ARID3A: variants seen among roughly 807,000 people sequenced by gnomAD.
The protein encoded by ARID3A is AT-rich interactive domain-containing protein 3A.
A neutral mutation model predicts 52.7 loss-of-function variants in ARID3A; 11 were observed. The ratio of observed to expected loss-of-function variants is 0.21; its 90% CI spans 0.13 to 0.35. The LOEUF is 0.35. ARID3A is among the 10% of genes least tolerant of loss of function. ARID3A has a pLI of 1.00. For synonymous variants in ARID3A, 404 were observed against 359.4 expected, an observed-to-expected ratio of 1.12 and a Z score of -1.40; for missense variants, 721 against 838.5, an observed-to-expected ratio of 0.86 and a Z score of 1.73.
Position 966,664 on chromosome 19 carries a change from C to G in ARID3A, c.1291C>G (p.Gln431Glu), listed in dbSNP as rs1484670654. The G allele has an allele frequency of 3.7e-6, 6 of 1,609,854 alleles. No individual in the cohort carries two copies. Among genetic ancestry groups the G allele is most frequent in the Non-Finnish European group, 5.1e-6 (6 of 1,177,630 alleles). The change falls in exon 7 of 9, where the codon CAA (glutamine) becomes GAA (glutamate). Residue 431 changes from glutamine (Q) to glutamate (E), a missense_variant. Gln to Glu is a conservative substitution (Grantham distance 29, BLOSUM62 2). Around this residue, in one of 5 missense-constraint regions of ARID3A, gnomAD observed 297 missense variants for 343.2 expected, o/e 0.87. Transcript: ENST00000263620. ...GGTGGCAGCCCAGGCAGCAGCTGTG[C>G]AAGCAGCAGCCGCCCAAGCAGCTGT... ...PVVAAQAAAV[Q>E]AAAAQAAVAA...
chr19:972,228 T>C lies in ARID3A; in HGVS notation c.*163T>C, dbSNP rs1369671147. 1.4e-5 allele frequency: 3 copies of C among 214,978 alleles called. No individual in the cohort carries two copies. Among genetic ancestry groups the C allele is most frequent in the Non-Finnish European group, 9.2e-6 (1 of 108,532 alleles). 13.3% of individuals were successfully genotyped at this position (214,978 alleles called of 1,614,324 possible). A position where few individuals can be genotyped will look rare whatever the true frequency, so the allele number is the denominator to read the frequency against. On this transcript the variant is annotated 3_prime_UTR_variant, in exon 9 of 9. Coordinates refer to ENST00000263620, the MANE Select transcript of ARID3A (RefSeq NM_005224.3). The stretch of plus-strand genomic sequence containing the variant: ...CCAAAAAGAAAAGAAAAAAGATATA[T>C]ATATATATATATATATATACACGTA...
intron 1 of ARID3A, among the ~76,000 whole-genome samples, chr19:927,550 C>A (rs2037227364): frequency 6.6e-6 from 1 of 151,824 alleles, no homozygotes; most frequent in South Asian, 2.1e-4. Flanking sequence ...CCTCTTCCTT[C>A]TGTGCCCCCA....
In ARID3A at chr19:973,651, C is replaced by T. The variant is rs548982498; in HGVS notation, c.*1586C>T. The stretch of plus-strand genomic sequence containing the variant: ...GCCCCGGCATCCTGAACACCCCCCA[C>T]ACCCCAACATTCTCCTCGCTCTGTC... On this transcript the variant is annotated 3_prime_UTR_variant, in exon 9 of 9. Coordinates refer to ENST00000263620, the MANE Select transcript of ARID3A (RefSeq NM_005224.3). 13 of 226,386 alleles carry T rather than the reference C, an allele frequency of 5.7e-5. No individual in the cohort carries two copies. Among genetic ancestry groups the T allele is most frequent in the South Asian group, 5.5e-4 (3 of 5,478 alleles). 14.0% of individuals were successfully genotyped at this position (226,386 alleles called of 1,614,324 possible). A position where few individuals can be genotyped will look rare whatever the true frequency, so the allele number is the denominator to read the frequency against.
At chr19:939,891 C>G (rs986374840) in intron 3 of ARID3A, among the ~76,000 whole-genome samples, 1 of 152,066 alleles carries the variant, frequency 6.6e-6, no homozygotes, top group African/African-American at 2.4e-5. Flanking sequence ...ATCGGCAACA[C>G]GTTTTCTTCG....
chr19:968,823 A>AT (rs1366418488), intron 8 of ARID3A: 2 of 201,282 alleles, frequency 9.9e-6, no homozygotes, highest in East Asian at 1.1e-4. Context: ...TAATTTTTAA[A>AT]TTTTTTGTTG....
At chr19:956,540 GC>G (rs1442547148) in intron 3 of ARID3A, 1 of 152,258 alleles carries the variant, frequency 6.6e-6, no homozygotes, top group East Asian at 1.9e-4. Flanking sequence ...GGACCCACCG[GC>G]CCGGCCAGCC....
Position 946,156 on chromosome 19 carries a change from CCGCGTGGAGTG to C in ARID3A, c.693+13415_693+13425del, listed in dbSNP as rs534836746. On this transcript the variant is annotated intron_variant, in intron 3 of 8. Transcript: ENST00000263620. Reference sequence around the variant, plus strand: ...GGGGACCCTGTACAGAACGCCCCGGCCGCGTGGAGTGGCAGGTTCGTCACTGCCTGGGGGAG... The same window carrying C: ...GGGGACCCTGTACAGAACGCCCCGGCGCAGGTTCGTCACTGCCTGGGGGAG... 5.7e-4 allele frequency among the ~76,000 whole-genome samples: 87 copies of C among 152,278 alleles called. 1 individual carries two copies. The East Asian group carries it at 8.5e-3, about 15-fold the overall frequency.
chr19:943,289 G>T (rs960817178), intron 3 of ARID3A, among the ~76,000 whole-genome samples: 3 of 150,764 alleles, frequency 2.0e-5, no homozygotes, highest in Non-Finnish European at 4.4e-5. Context: ...AAAAAAGGAC[G>T]GGCGCGCAGT....
intron 3 of ARID3A, among the ~76,000 whole-genome samples, chr19:950,867 G>A (rs1368317659): frequency 6.6e-6 from 1 of 151,940 alleles, no homozygotes; most frequent in Non-Finnish European, 1.5e-5. Context: ...TTGTTTCCCA[G>A]GCTGGAGTGC....
chr19:975,405 T>C lies in ARID3A; in HGVS notation c.*3340T>C, dbSNP rs66531020. 0.23 allele frequency: 54,135 copies of C among 231,296 alleles called. 7,282 individuals are homozygous for C. The highest frequency in any genetic ancestry group is 0.33 in the Middle Eastern group (258 of 772). The allele number at this position is 231,296 out of a possible 1,614,324, so 14.3% of individuals were successfully genotyped here. A position where few individuals can be genotyped will look rare whatever the true frequency, so the allele number is the denominator to read the frequency against. On this transcript the variant is annotated 3_prime_UTR_variant, in exon 9 of 9. Coordinates refer to ENST00000263620, the MANE Select transcript of ARID3A (RefSeq NM_005224.3). ...GGGTCGTTGTTAAGGGTCACGCATC[T>C]GTACAGTTGAATTTCCTTTCTCTTA...
At chr19:965,491 C>G (rs2038129581) in intron 6 of ARID3A, among the ~76,000 whole-genome samples, 1 of 150,782 alleles carries the variant, frequency 6.6e-6, no homozygotes, top group Non-Finnish European at 1.5e-5. Context: ...TCTGAGTTAC[C>G]ATTTCTCATC....
In ARID3A at chr19:973,708, G is replaced by C. The variant is rs2038327554; in HGVS notation, c.*1643G>C. On this transcript the variant is annotated 3_prime_UTR_variant, in exon 9 of 9. Transcript: ENST00000263620. The stretch of plus-strand genomic sequence containing the variant: ...TCTTCTCCCAACCCCTTTTGTGCTG[G>C]GGCTGCGAGCTCCCCGAGTTCTGCG... The C allele has an allele frequency of 8.8e-6, 2 of 227,360 alleles. No homozygotes were observed. Among genetic ancestry groups the C allele is most frequent in the Admixed American group, 1.1e-4 (2 of 17,578 alleles). The allele number at this position is 227,360 out of a possible 1,614,324, so 14.1% of individuals were successfully genotyped here.
At chr19:954,144 C>G (rs906434626) in intron 3 of ARID3A, among the ~76,000 whole-genome samples, 1 of 151,976 alleles carries the variant, frequency 6.6e-6, no homozygotes, top group South Asian at 2.1e-4. Context: ...AGGCTGTGGC[C>G]GAGGGAGGGT....
intron 8 of ARID3A, among the ~76,000 whole-genome samples, chr19:969,358 G>A (rs1291912540): frequency 6.6e-6 from 1 of 151,548 alleles, no homozygotes; most frequent in Admixed American, 6.6e-5. Context: ...GCAACATAGT[G>A]AGACCCCATC....
At chr19:939,086 A>T in intron 3 of ARID3A, among the ~76,000 whole-genome samples, 1 of 149,862 alleles carries the variant, frequency 6.7e-6, no homozygotes, top group Non-Finnish European at 1.5e-5. Context: ...GCGTGCCACC[A>T]CACCTGGCCT....
At chr19:949,652 G>A (rs2037763800) in intron 3 of ARID3A, among the ~76,000 whole-genome samples, 1 of 149,238 alleles carries the variant, frequency 6.7e-6, no homozygotes, top group Non-Finnish European at 1.5e-5. Flanking sequence ...TCCCGCCACT[G>A]TGCCCCACAG....
chr19:929,746 G>A lies in ARID3A; in HGVS notation c.218G>A (p.Gly73Glu). Reference protein sequence around the residue: ...AAMRAAAAGLGHPASPGGSED... With the variant: ...AAMRAAAAGLEHPASPGGSED... Reference sequence around the variant, plus strand: ...ATGCGGGCTGCAGCTGCGGGCCTGGGACACCCAGCCAGCCCCGGCGGCTCT... The same window carrying A: ...ATGCGGGCTGCAGCTGCGGGCCTGGAACACCCAGCCAGCCCCGGCGGCTCT... Residue 73 changes from glycine (G) to glutamate (E), a missense_variant, in exon 2 of 9, where the codon GGA (glycine) becomes GAA (glutamate). Around this residue, in one of 5 missense-constraint regions of ARID3A, gnomAD observed 349 missense variants for 297.3 expected, o/e 1.17. Coordinates refer to ENST00000263620, the MANE Select transcript of ARID3A (RefSeq NM_005224.3). This position sits in a 1 kb window ranked among gnomAD's most constrained non-coding sequence, Gnocchi z 6.2. 1 of 1,557,268 alleles carries A rather than the reference G, an allele frequency of 6.4e-7. No individual in the cohort carries two copies. Among genetic ancestry groups the A allele is most frequent in the East Asian group, 2.3e-5 (1 of 42,570 alleles).
Position 971,991 on chromosome 19 carries a change from A to G in ARID3A, c.1708A>G (p.Thr570Ala), listed in dbSNP as rs529074862. 6.2e-7 allele frequency: 1 copy of G among 1,601,580 alleles called. No homozygotes were observed. Among genetic ancestry groups the G allele is most frequent in the South Asian group, 1.1e-5 (1 of 90,346 alleles). ...AGGCGGCCGGGGAGGAAACACCGGA[A>G]CCAGCGGCGGCCAGGCTGGGCCAGC... ...NAGGRGGNTG[T>A]SGGQAGPAGL... Residue 570 changes from threonine (T) to alanine (A), a missense_variant, in exon 9 of 9, where the codon ACC becomes GCC. Thr to Ala is a moderately conservative substitution (Grantham distance 58). Coordinates refer to ENST00000263620, the MANE Select transcript of ARID3A (RefSeq NM_005224.3).
At chr19:925,807 G>C (rs2037183169), upstream of ARID3A, 2 of 152,124 alleles carry the variant, frequency 1.3e-5, no homozygotes, top group Non-Finnish European at 2.9e-5. Flanking sequence ...GCGCCCCCGG[G>C]CTGGTTGCGC....
Sources: allele counts gnomAD v4.1 joint callset (sites outside exome capture counted in the v4.1 genomes callset), GRCh38; gene constraint gnomAD v4.1.1; regional missense constraint gnomAD v4.1.1; non-coding constraint Gnocchi (gnomAD v3.1); transcripts MANE v1.5; gene names NCBI Gene and HGNC (gene_info 2026-07-23, HGNC 2026-07-21).